FEZ1: variants seen among roughly 807,000 people sequenced by gnomAD.
FEZ1 encodes the protein fasciculation and elongation protein zeta-1.
A neutral mutation model predicts 49.3 loss-of-function variants in FEZ1; 20 were observed. The observed-to-expected ratio is 0.41, with a 90% CI of 0.29 to 0.59. The LOEUF is 0.59. FEZ1 is among the 20% of genes least tolerant of loss of function. The pLI is 0.36. For synonymous variants in FEZ1, 170 were observed against 180.9 expected, an observed-to-expected ratio of 0.94 and a Z score of 0.48; for missense variants, 413 against 476.0, an observed-to-expected ratio of 0.87 and a Z score of 1.23.
At chr11:125,487,368 C>A (rs926299833) in intron 2 of FEZ1, among the ~76,000 whole-genome samples, 2 of 152,196 alleles carry the variant, frequency 1.3e-5, no homozygotes, top group Admixed American at 6.5e-5. Flanking sequence ...TGAGGACCTA[C>A]ACAGTCAACC....
chr11:125,444,471 G>A lies in FEZ1; in HGVS notation c.*1624C>T, dbSNP rs1372268900. 6.6e-6 allele frequency among the ~76,000 whole-genome samples: 1 copy of A among 152,146 alleles called. No homozygotes were observed. The highest frequency in any genetic ancestry group is 1.5e-5 in the Non-Finnish European group (1 of 68,030). ...GTGGTGCTGCATGCCTGTAATCCCA[G>A]CTACTCGGGAGGCTGAGGCAGGAGA... is the stretch of plus-strand genomic sequence containing the variant. On this transcript the variant is annotated 3_prime_UTR_variant, in exon 10 of 10. Transcript: ENST00000278919.
Position 125,463,534 on chromosome 11 carries a change from T to C in FEZ1, c.448A>G (p.Ser150Gly), listed in dbSNP as rs777028010. The change falls in exon 4 of 10, where the codon AGT (serine) becomes GGT (glycine). Residue 150 changes from serine to glycine, a missense_variant. Physicochemically the swap from Ser to Gly is moderately conservative, Grantham distance 56 (BLOSUM62 0). Transcript: ENST00000278919. ...EKEEEEFNEK[S>G]ENDSGINEEP... ...TCGTTGATACCGGAATCATTTTCACTCTTCTCATTGAACTCTTCCTCTTCT... is the reference window on the plus strand; with the variant it reads ...TCGTTGATACCGGAATCATTTTCACCCTTCTCATTGAACTCTTCCTCTTCT... The C allele has an allele frequency of 9.3e-6, 15 of 1,611,666 alleles. No individual in the cohort carries two copies. The South Asian group carries it at 1.2e-4, about 13-fold the overall frequency.
intron 2 of FEZ1, among the ~76,000 whole-genome samples, chr11:125,486,740 G>A (rs904979437): frequency 1.9e-4 from 29 of 152,090 alleles, no homozygotes; most frequent in African/African-American, 5.8e-4. Context: ...ATACTAAACC[G>A]GAACAAGTTT....
chr11:125,479,574 C>T (rs1957261550), intron 3 of FEZ1, among the ~76,000 whole-genome samples: 2 of 152,308 alleles, frequency 1.3e-5, no homozygotes, highest in South Asian at 2.1e-4. Flanking sequence ...TGCTAAAATC[C>T]TAATGCCCAA....
chr11:125,459,382 A>T (rs1232507109), intron 5 of FEZ1, among the ~76,000 whole-genome samples: 2 of 152,060 alleles, frequency 1.3e-5, no homozygotes, highest in Non-Finnish European at 2.9e-5. Context: ...ACCTGAGGTC[A>T]GGAGTTTGAG....
chr11:125,455,145 C>G (rs1956997528), intron 6 of FEZ1, among the ~76,000 whole-genome samples: 1 of 151,922 alleles, frequency 6.6e-6, no homozygotes, highest in South Asian at 2.1e-4. Flanking sequence ...AATCCCAACA[C>G]TTTGGGAGGC....
At position 125,460,659 on chromosome 11, in the gene FEZ1, T is replaced by G. The variant is rs1446193614; in HGVS notation, c.506A>C (p.Glu169Ala). 4.3e-6 allele frequency: 7 copies of G among 1,613,756 alleles called. No homozygotes were observed. Among genetic ancestry groups the G allele is most frequent in the Non-Finnish European group, 2.5e-6 (3 of 1,179,906 alleles). Reference sequence around the variant, plus strand: ...GTTCTGCATCATTTCCTCAATCTCCTCAATTACCTGAAGAAGGTACACGAG... The same window carrying G: ...GTTCTGCATCATTTCCTCAATCTCCGCAATTACCTGAAGAAGGTACACGAG... ...EPLLTADQVI[E>A]EIEEMMQNSP... The change falls in exon 5 of 10, where the codon GAG becomes GCG. Residue 169 changes from glutamate (E) to alanine (A), a missense_variant. Transcript: ENST00000278919.
intron 4 of FEZ1, chr11:125,463,261 A>G: frequency 3.4e-6 from 1 of 294,018 alleles, no homozygotes; most frequent in Non-Finnish European, 6.3e-6. Context: ...AGCCAAGATC[A>G]CGCCACTGCA....
intron 3 of FEZ1, among the ~76,000 whole-genome samples, chr11:125,474,566 T>C (rs1957212369): frequency 6.6e-6 from 1 of 152,110 alleles, no homozygotes; most frequent in Admixed American, 6.6e-5. Flanking sequence ...AAACATACAT[T>C]CAACAAATAA....
At chr11:125,465,665 G>A (rs2135756185) in intron 3 of FEZ1, among the ~76,000 whole-genome samples, 1 of 152,324 alleles carries the variant, frequency 6.6e-6, no homozygotes, top group East Asian at 1.9e-4. Context: ...AGGAGAGGCA[G>A]ACATAAAATA....
At chr11:125,461,504 G>A (rs1472867318) in intron 4 of FEZ1, among the ~76,000 whole-genome samples, 1 of 152,178 alleles carries the variant, frequency 6.6e-6, no homozygotes, top group Admixed American at 6.5e-5. Context: ...TTACTTGGGA[G>A]GTTGAGGTGG....
intron 3 of FEZ1, among the ~76,000 whole-genome samples, chr11:125,466,222 T>A (rs1957128624): frequency 6.6e-6 from 1 of 152,160 alleles, no homozygotes; most frequent in Non-Finnish European, 1.5e-5. Context: ...GGCTTACACC[T>A]GTAATCCCAG....
chr11:125,461,618 C>CA (rs756343753), intron 4 of FEZ1, among the ~76,000 whole-genome samples: 157 of 151,444 alleles, frequency 1.0e-3, no homozygotes, highest in Middle Eastern at 3.4e-3. Flanking sequence ...ACAACAACAA[C>CA]AAAAAAAAGA....
At chr11:125,455,529 C>G in intron 6 of FEZ1, 1 of 404,594 alleles carries the variant, frequency 2.5e-6, no homozygotes, top group Non-Finnish European at 4.5e-6. Context: ...AGGCCCATCT[C>G]AAGACTCCCA....
intron 5 of FEZ1, among the ~76,000 whole-genome samples, chr11:125,456,552 G>A (rs769638428): frequency 6.6e-6 from 1 of 152,172 alleles, no homozygotes; most frequent in Non-Finnish European, 1.5e-5. Context: ...TATAGCATAC[G>A]GCAACAACAA....
chr11:125,445,634 AAC>A lies in FEZ1; in HGVS notation c.*459_*460del, dbSNP rs1181354483. The stretch of plus-strand genomic sequence containing the variant: ...CAACAGGACATGCGCCCGGTCCCTA[AAC>A]ACAGCACTGGCTGCCACAGGCCACA... On this transcript the variant is annotated 3_prime_UTR_variant, in exon 10 of 10. Coordinates refer to ENST00000278919, the MANE Select transcript of FEZ1 (RefSeq NM_005103.5). The surrounding 1 kb of genome is among the most constrained non-coding windows in gnomAD (Gnocchi z 4.4). The A allele has an allele frequency of 6.9e-6, 2 of 289,042 alleles. No individual in the cohort carries two copies. Among genetic ancestry groups the A allele is most frequent in the African/African-American group, 2.2e-5 (1 of 45,318 alleles). 17.9% of individuals were successfully genotyped at this position (289,042 alleles called of 1,614,324 possible).
chr11:125,459,346 C>T lies in FEZ1; in HGVS notation c.667+1152G>A, dbSNP rs571356734. On this transcript the variant is annotated intron_variant, in intron 5 of 9. Transcript: ENST00000278919. ...GTGGCTCACACCTGTAATCCCAGCA[C>T]TTTGGGAGACCGAGGCAGGCGGATA... 4.6e-5 allele frequency among the ~76,000 whole-genome samples: 7 copies of T among 152,234 alleles called. No individual in the cohort carries two copies. The South Asian group carries it at 1.5e-3, about 32-fold the overall frequency.
rs956777705 is a variant in FEZ1, at chr11:125,489,245, C to T, written c.311+222G>A. Reference sequence around the variant, plus strand: ...AATTCCATTTTGTATCTAGGAAAACCTTCATTCCTCTAAGGTTTCAATTTA... The same window carrying T: ...AATTCCATTTTGTATCTAGGAAAACTTTCATTCCTCTAAGGTTTCAATTTA... On this transcript the variant is annotated intron_variant, in intron 2 of 9. Transcript: ENST00000278919. The surrounding 1 kb of genome is among the most constrained non-coding windows in gnomAD (Gnocchi z 4.2). 11 of 1,193,036 alleles carry T rather than the reference C, an allele frequency of 9.2e-6. No homozygotes were observed. Among genetic ancestry groups the T allele is most frequent in the Admixed American group, 4.4e-5 (1 of 22,728 alleles). The allele number at this position is 1,193,036 out of a possible 1,614,324, so 73.9% of individuals were successfully genotyped here. A position where few individuals can be genotyped will look rare whatever the true frequency, so the allele number is the denominator to read the frequency against.
intron 3 of FEZ1, among the ~76,000 whole-genome samples, chr11:125,464,824 G>A (rs1436875867): frequency 6.6e-6 from 1 of 152,164 alleles, no homozygotes; most frequent in Non-Finnish European, 1.5e-5. Context: ...TGAAGGGCCC[G>A]GGTACCAGAT....
Sources: gnomAD v4.1 joint callset for allele counts (sites outside exome capture counted in the v4.1 genomes callset) on GRCh38, gnomAD v4.1.1 for gene constraint, Gnocchi (gnomAD v3.1) non-coding constraint, MANE v1.5 for transcripts, NCBI Gene and HGNC (gene_info 2026-07-23, HGNC 2026-07-21) for gene names.